HIPK1: variants seen among roughly 807,000 people sequenced by gnomAD.
HIPK1 encodes the protein homeodomain-interacting protein kinase 1.
Under a neutral mutation model 117.1 loss-of-function variants are expected in HIPK1, and 28 were observed. The observed-to-expected ratio is 0.24, with a 90% CI of 0.18 to 0.33. The LOEUF is 0.33. HIPK1 is among the 10% of genes least tolerant of loss of function. HIPK1 has a pLI of 1.00. For synonymous variants in HIPK1, 605 were observed against 562.5 expected (o/e 1.08, Z -1.07); for missense variants, 1,122 against 1,475.1 (o/e 0.76, Z 3.92).
rs749499835 is a variant in HIPK1 at position 113,941,509 on chromosome 1, A to T, written c.1076+50A>T. 66 of 1,347,826 alleles carry T rather than the reference A, an allele frequency of 4.9e-5. No individual in the cohort carries two copies. Among genetic ancestry groups the T allele is most frequent in the Admixed American group, 1.1e-4 (6 of 53,914 alleles). The allele number at this position is 1,347,826 out of a possible 1,614,324, so 83.5% of individuals were successfully genotyped here. On this transcript the variant is annotated intron_variant, in intron 2 of 15. Transcript: ENST00000426820. This position sits in a 1 kb window ranked among gnomAD's most constrained non-coding sequence, Gnocchi z 4.9. ...TATCTTAGGCTAGAGTTCTGTCCTT[A>T]TATTTAACATATACCCCGTAGGCTA...
chr1:113,970,181 A>T lies in HIPK1; in HGVS notation c.2997A>T (p.Val999=). 1.2e-6 allele frequency: 2 copies of T among 1,614,184 alleles called. No homozygotes were observed. Among genetic ancestry groups the T allele is most frequent in the East Asian group, 4.5e-5 (2 of 44,884 alleles). ...AAACTCAGCTTGGTGACTGCACTGT[A>T]GCAACCCAGGCCTCAGGTCAGTGTT... ...PLKTQLGDCT[V]ATQASGLLSN... is the part of the protein sequence containing the mutation. The change falls in exon 14 of 16, where the codon GTA becomes GTT. Residue 999 remains valine, a synonymous_variant. Transcript: ENST00000426820.
chr1:113,957,813 G>A (rs1571702260), intron 7 of HIPK1, among the ~76,000 whole-genome samples: 1 of 151,562 alleles, frequency 6.6e-6, no homozygotes, highest in African/African-American at 2.4e-5. Context: ...TTGTGCAGAA[G>A]TAGTTGGGGT....
chr1:113,929,808 G>A, intron 1 of HIPK1: 1 of 983,890 alleles, frequency 1.0e-6, no homozygotes, highest in East Asian at 1.1e-4. Flanking sequence ...CGGCTCCGGG[G>A]GGCGGGGGCC....
chr1:113,944,158 G>GTTTTTTTTT (rs1474594102), intron 2 of HIPK1, among the ~76,000 whole-genome samples: 5 of 84,602 alleles, frequency 5.9e-5, no homozygotes, highest in African/African-American at 2.9e-4. Flanking sequence ...AATAGCCATG[G>GTTTTTTTTT]GTTTTTTTTT....
chr1:113,936,620 A>G (rs552139067), intron 1 of HIPK1, among the ~76,000 whole-genome samples: 23 of 152,294 alleles, frequency 1.5e-4, no homozygotes, highest in African/African-American at 5.5e-4. Flanking sequence ...GCGTGTCACC[A>G]CGCCCAGCTA....
intron 1 of HIPK1, among the ~76,000 whole-genome samples, chr1:113,940,042 A>G (rs1214870618): frequency 6.7e-6 from 1 of 149,852 alleles, no homozygotes; most frequent in East Asian, 2.0e-4. Context: ...TCAGCTCAGG[A>G]GATCTTCCTG....
intron 5 of HIPK1, among the ~76,000 whole-genome samples, chr1:113,956,197 C>A (rs1200864395): frequency 6.6e-6 from 1 of 151,718 alleles, no homozygotes; most frequent in African/African-American, 2.4e-5. Flanking sequence ...GCCTCAGCCT[C>A]CCAAGTAGCT....
intron 1 of HIPK1, among the ~76,000 whole-genome samples, chr1:113,937,706 C>G (rs143056485): frequency 2.1e-4 from 32 of 152,122 alleles, no homozygotes; most frequent in African/African-American, 7.0e-4. Flanking sequence ...TAAATACTTT[C>G]AAGTTAACAG....
At chr1:113,952,730 T>G in intron 2 of HIPK1, 36 bp from the exon 3 acceptor site, 1 of 1,391,254 alleles carries the variant, frequency 7.2e-7, no homozygotes, top group Non-Finnish European at 9.5e-7. Context: ...AATAATGTTT[T>G]TTTTTTTTTA....
chr1:113,944,710 C>T (rs993521620), intron 2 of HIPK1, among the ~76,000 whole-genome samples: 7 of 151,396 alleles, frequency 4.6e-5, no homozygotes, highest in Non-Finnish European at 1.0e-4. Flanking sequence ...GATCTCTTGA[C>T]CTCGTGATGA....
At chr1:113,971,396 A>G (rs1049993309) in intron 14 of HIPK1, among the ~76,000 whole-genome samples, 1 of 152,216 alleles carries the variant, frequency 6.6e-6, no homozygotes, top group East Asian at 1.9e-4. Context: ...GTCCAACAAG[A>G]TAGAATTTTG....
rs758447521 is a variant in HIPK1 at position 113,970,051 on chromosome 1, A to C, written c.2867A>C (p.Asp956Ala). 6.2e-7 allele frequency: 1 copy of C among 1,614,190 alleles called. No homozygotes were observed. The highest frequency in any genetic ancestry group is 8.5e-7 in the Non-Finnish European group (1 of 1,180,036). ...DSSLSSPYST[D>A]TLSALRGNSG... ...TCTTTGAGCAGCCCTTATTCCACTG[A>C]TACCCTGAGTGCTCTCCGAGGCAAT... Residue 956 changes from aspartate to alanine, a missense_variant, in exon 14 of 16, where the codon GAT becomes GCT. Physicochemically the swap from Asp to Ala is moderately radical, Grantham distance 126 (BLOSUM62 -2). Around this residue, in one of 6 missense-constraint regions of HIPK1, gnomAD observed 731 missense variants for 860.4 expected, o/e 0.85. Transcript: ENST00000426820.
rs887825375 is a variant in HIPK1, at chr1:113,929,837, C to T, written c.-3+305C>T. On this transcript the variant is annotated intron_variant, in intron 1 of 15. Transcript: ENST00000426820. ...GGGGGCCGGGGCCCGGGCCGGCTCGCGCGGGGGGTATGATGACCCGGCTGC... is the reference window on the plus strand; with the variant it reads ...GGGGGCCGGGGCCCGGGCCGGCTCGTGCGGGGGGTATGATGACCCGGCTGC... The T allele has an allele frequency of 9.0e-4, 888 of 987,562 alleles. 1 individual carries two copies. Among genetic ancestry groups the T allele is most frequent in the Non-Finnish European group, 9.6e-4 (794 of 831,222 alleles). 61.2% of individuals were successfully genotyped at this position (987,562 alleles called of 1,614,324 possible).
chr1:113,973,573 T>C lies in HIPK1; in HGVS notation c.*61T>C. On this transcript the variant is annotated 3_prime_UTR_variant, in exon 16 of 16. Coordinates refer to ENST00000426820, the MANE Select transcript of HIPK1 (RefSeq NM_198268.3). ...TTCTCCTGGCCCTGCGTTCTTAATA[T>C]TGGGCTATGGAGAGATCCTCCTTTA... is the stretch of plus-strand genomic sequence containing the variant. 1.3e-6 allele frequency: 2 copies of C among 1,522,148 alleles called. No individual in the cohort carries two copies. Among genetic ancestry groups the C allele is most frequent in the Non-Finnish European group, 1.8e-6 (2 of 1,131,376 alleles). The allele number at this position is 1,522,148 out of a possible 1,614,324, so 94.3% of individuals were successfully genotyped here.
At chr1:113,961,942 CAAAAAAAAAA>C (rs957986733) in intron 8 of HIPK1, among the ~76,000 whole-genome samples, 406 of 32,322 alleles carry the variant, frequency 0.013, 3 homozygotes, top group African/African-American at 0.036. Context: ...GACTCCATCT[CAAAAAAAAAA>C]AAAAAAAAAA....
chr1:113,956,371 G>T (rs972879073), intron 5 of HIPK1, among the ~76,000 whole-genome samples: 1 of 151,942 alleles, frequency 6.6e-6, no homozygotes. Flanking sequence ...GAGCCACCGC[G>T]CCCAGCCCCC....
rs772994920 is a variant in HIPK1 at position 113,958,114 on chromosome 1, C to G, written c.1804C>G (p.Leu602Val). ...TACTGCAGCAGCTGCTACTCTTTCT[C>G]TGGCTAATTCAGATGTCTCACTACT... ...SSTAAAATLSLANSDVSLLNY... is the reference protein window; with the variant it reads ...SSTAAAATLSVANSDVSLLNY... The change falls in exon 8 of 16, where the codon CTG becomes GTG. Residue 602 changes from leucine to valine, a missense_variant. Physicochemically the swap from Leu to Val is conservative, Grantham distance 32. This residue lies in a region of HIPK1 where 731 missense variants were observed against 860.4 expected (regional missense o/e 0.85). Transcript: ENST00000426820. The G allele has an allele frequency of 3.7e-6, 6 of 1,614,188 alleles. No individual in the cohort carries two copies. In the Admixed American group the frequency reaches 1.0e-4, roughly 27 times the overall value.
At chr1:113,937,372 C>T (rs547597340) in intron 1 of HIPK1, among the ~76,000 whole-genome samples, 69 of 151,748 alleles carry the variant, frequency 4.5e-4, no homozygotes, top group African/African-American at 1.6e-3. Flanking sequence ...TGTGTTTATT[C>T]TTTTATGATT....
Position 113,970,018 on chromosome 1 carries a change from C to G in HIPK1, c.2834C>G (p.Ser945Cys). 1 of 1,614,188 alleles carries G rather than the reference C, an allele frequency of 6.2e-7. No individual in the cohort carries two copies. Among genetic ancestry groups the G allele is most frequent in the Non-Finnish European group, 8.5e-7 (1 of 1,179,992 alleles). The change falls in exon 14 of 16, where the codon TCT (serine) becomes TGT (cysteine). Residue 945 changes from serine to cysteine, a missense_variant. Ser to Cys is a moderately radical substitution (Grantham distance 112, BLOSUM62 -1). Transcript: ENST00000426820. ...SYVTVNDSPDSDSSLSSPYST... is the reference protein window; with the variant it reads ...SYVTVNDSPDCDSSLSSPYST... ...GTCACTGTCAATGATTCTCCAGACT[C>G]TGACTCTTCTTTGAGCAGCCCTTAT... is the stretch of plus-strand genomic sequence containing the variant.
Sources: allele counts gnomAD v4.1 joint callset (sites outside exome capture counted in the v4.1 genomes callset), GRCh38; gene constraint gnomAD v4.1.1; regional missense constraint gnomAD v4.1.1; non-coding constraint Gnocchi (gnomAD v3.1); transcripts MANE v1.5; gene names NCBI Gene and HGNC (gene_info 2026-07-23, HGNC 2026-07-21).